Variants in IL1RAPL2 observed in about 807,000 individuals in gnomAD.
IL1RAPL2 encodes interleukin 1 receptor accessory protein like 2, also known as X-linked interleukin-1 receptor accessory protein-like 2.
IL1RAPL2 carries 3 observed loss-of-function variants against 44.1 expected under a neutral mutation model. That is an observed-to-expected ratio of 0.07 (90% CI 0.03 to 0.18). The LOEUF (loss-of-function observed/expected upper bound fraction) is 0.18, where lower values mean the gene tolerates loss of function less well. Among genes scored for constraint, IL1RAPL2 ranks in the 10% least tolerant of loss-of-function variants. The pLI is 1.00. For missense variants in IL1RAPL2, 391 were observed against 496.4 expected, an observed-to-expected ratio of 0.79 and a Z score of 2.02; for synonymous variants, 181 against 178.8, an observed-to-expected ratio of 1.01 and a Z score of -0.10.
chrX:104,597,071 C>T (rs1302770135), intron 1 of IL1RAPL2, among the ~76,000 whole-genome samples: 1 of 111,264 alleles, frequency 9.0e-6, no homozygotes, highest in Non-Finnish European at 1.9e-5. Context: ...CATGGTGTCT[C>T]ACGCCTGCAA....
chrX:105,658,163 G>GA (rs906859760), intron 6 of IL1RAPL2, among the ~76,000 whole-genome samples: 202 of 106,857 alleles, frequency 1.9e-3, no homozygotes, highest in Non-Finnish European at 2.3e-3. Context: ...TAAGAAGTTA[G>GA]AAAAAAAAAA....
intron 1 of IL1RAPL2, among the ~76,000 whole-genome samples, chrX:104,603,582 A>G (rs1231994440): frequency 8.9e-6 from 1 of 111,968 alleles, no homozygotes; most frequent in Non-Finnish European, 1.9e-5. Context: ...ATGGCTAACT[A>G]GAATAACCAG....
intron 2 of IL1RAPL2, among the ~76,000 whole-genome samples, chrX:105,080,436 T>C (rs1246698036): frequency 1.8e-5 from 2 of 112,280 alleles, no homozygotes; most frequent in African/African-American, 3.2e-5. Context: ...TTTCTGCATA[T>C]GGCTAGCCAG....
intron 2 of IL1RAPL2, among the ~76,000 whole-genome samples, chrX:104,848,447 A>G (rs1322368051): frequency 3.5e-5 from 3 of 86,716 alleles, no homozygotes; most frequent in African/African-American, 1.3e-4. Context: ...ATATATATAT[A>G]TATAACTTAA....
At chrX:104,994,021 C>T (rs1396822267) in intron 2 of IL1RAPL2, among the ~76,000 whole-genome samples, 4 of 111,850 alleles carry the variant, frequency 3.6e-5, no homozygotes, top group Non-Finnish European at 5.7e-5. Flanking sequence ...ACCCTATAAT[C>T]CAACTTCCAC....
intron 5 of IL1RAPL2, among the ~76,000 whole-genome samples, chrX:105,436,798 T>C (rs1429716025): frequency 9.1e-6 from 1 of 110,451 alleles, no homozygotes; most frequent in African/African-American, 3.3e-5. Flanking sequence ...ATTTTAATTT[T>C]GGAGGTTGTA....
intron 2 of IL1RAPL2, among the ~76,000 whole-genome samples, chrX:104,872,600 A>T (rs775451163): frequency 8.9e-6 from 1 of 111,775 alleles, no homozygotes; most frequent in Non-Finnish European, 1.9e-5. Flanking sequence ...TTGAATAGCT[A>T]CCAGAAAACC....
chrX:105,604,192 AC>A (rs746084662), intron 6 of IL1RAPL2, among the ~76,000 whole-genome samples: 24 of 111,759 alleles, frequency 2.1e-4, no homozygotes, highest in Non-Finnish European at 4.0e-4. Context: ...TACGTAAAAA[AC>A]AATACAAAAT....
At chrX:105,605,097 G>C (rs188383433) in intron 6 of IL1RAPL2, among the ~76,000 whole-genome samples, 84 of 110,720 alleles carry the variant, frequency 7.6e-4, no homozygotes, top group African/African-American at 2.7e-3. Flanking sequence ...GTCCTACCCA[G>C]AGCAATTAGG....
intron 5 of IL1RAPL2, among the ~76,000 whole-genome samples, chrX:105,349,352 C>A (rs186756612): frequency 2.1e-4 from 24 of 112,242 alleles, no homozygotes; most frequent in African/African-American, 7.4e-4. Context: ...CTTGTAAGGT[C>A]TATAGCTGCC....
At chrX:104,906,947 T>A (rs1924033667) in intron 2 of IL1RAPL2, among the ~76,000 whole-genome samples, 1 of 111,821 alleles carries the variant, frequency 8.9e-6, no homozygotes, top group African/African-American at 3.3e-5. Context: ...TCTTTTTGGT[T>A]GGTAAGCTAT....
intron 1 of IL1RAPL2, among the ~76,000 whole-genome samples, chrX:104,612,860 T>C (rs1234483352): frequency 1.8e-5 from 2 of 111,196 alleles, no homozygotes; most frequent in Non-Finnish European, 3.8e-5. Flanking sequence ...TCATCGGTGT[T>C]TTATAGCTGT....
At chrX:104,938,483 A>G (rs1187525710) in intron 2 of IL1RAPL2, among the ~76,000 whole-genome samples, 5 of 111,848 alleles carry the variant, frequency 4.5e-5, no homozygotes, top group Non-Finnish European at 9.4e-5. Flanking sequence ...CTGAAATGCA[A>G]TGTACAAATA....
intron 2 of IL1RAPL2, among the ~76,000 whole-genome samples, chrX:104,733,158 T>A (rs756133653): frequency 2.6e-4 from 29 of 111,746 alleles, no homozygotes; most frequent in Non-Finnish European, 4.7e-4. Flanking sequence ...CAAAAACCAT[T>A]TGAGACAAAG....
intron 2 of IL1RAPL2, among the ~76,000 whole-genome samples, chrX:104,826,650 C>G (rs969098760): frequency 9.0e-6 from 1 of 111,248 alleles, no homozygotes; most frequent in African/African-American, 3.3e-5. Context: ...GAGCTGAGTT[C>G]AATTCCTGAA....
intron 2 of IL1RAPL2, among the ~76,000 whole-genome samples, chrX:105,120,916 C>CT (rs1222144168): frequency 2.4e-4 from 26 of 106,830 alleles, no homozygotes; most frequent in South Asian, 2.4e-3. Flanking sequence ...CTTTGGTGTC[C>CT]TTTTTTTTTT....
intron 2 of IL1RAPL2, among the ~76,000 whole-genome samples, chrX:104,755,565 G>A (rs1043243434): frequency 9.1e-6 from 1 of 110,420 alleles, no homozygotes; most frequent in Non-Finnish European, 1.9e-5. Context: ...TAGATGCTCT[G>A]CCCCCAAGTT....
intron 2 of IL1RAPL2, among the ~76,000 whole-genome samples, chrX:104,881,545 T>G (rs1227133882): frequency 1.8e-5 from 2 of 112,416 alleles, no homozygotes; most frequent in Non-Finnish European, 3.8e-5. Flanking sequence ...TTGTTTTGCA[T>G]GCTGTACTCT....
At chrX:105,582,909 G>A (rs1461422191) in intron 6 of IL1RAPL2, among the ~76,000 whole-genome samples, 1 of 110,301 alleles carries the variant, frequency 9.1e-6, no homozygotes, top group African/African-American at 3.3e-5. Context: ...ATGATCATAA[G>A]CAATATTGAT....
Sources: gnomAD v4.1 joint callset for allele counts (sites outside exome capture counted in the v4.1 genomes callset) on GRCh38, gnomAD v4.1.1 for gene constraint, MANE v1.5 for transcripts, NCBI Gene and HGNC (gene_info 2026-07-23, HGNC 2026-07-21) for gene names.